TTC16: variants seen among roughly 807,000 people sequenced by gnomAD.
The protein encoded by TTC16 is tetratricopeptide repeat domain 16.
TTC16 carries 66 observed loss-of-function variants against 80.4 expected under a neutral mutation model. The observed-to-expected ratio is 0.82, with a 90% CI of 0.67 to 1.01. The LOEUF (loss-of-function observed/expected upper bound fraction) is 1.01, where lower values mean the gene tolerates loss of function less well. Among genes scored for constraint, TTC16 ranks in the 50% least tolerant of loss-of-function variants. The probability of loss-of-function intolerance (pLI) is 0.00; values close to 1 mark genes in which losing one functional copy is unlikely to be tolerated. For missense variants in TTC16, 1,070 were observed against 1,103.2 expected (o/e 0.97, Z 0.43); for synonymous variants, 438 against 451.3 (o/e 0.97, Z 0.37).
At chr9:127,723,532 G>A (rs1177664105) in intron 7 of TTC16, among the ~76,000 whole-genome samples, 199 bp downstream of exon 7, 1 of 152,214 alleles carries the variant, frequency 6.6e-6, no homozygotes, top group East Asian at 1.9e-4. Flanking sequence ...GCCAACACAT[G>A]TCTCAGTTAC....
chr9:127,730,492 CG>C, intron 13 of TTC16, 143 bp from the exon 14 acceptor site: 1 of 1,266,008 alleles, frequency 7.9e-7, no homozygotes, highest in Non-Finnish European at 1.1e-6. Context: ...GGGGGCTGGG[CG>C]GGGGTGATCT....
chr9:127,716,355 T>A (rs879894828), intron 1 of TTC16, 192 bp downstream of exon 1: 2 of 815,294 alleles, frequency 2.5e-6, no homozygotes, highest in Non-Finnish European at 3.9e-6. Context: ...TGGACAGAGG[T>A]CTCTGGCTTG....
At chr9:127,716,214 A>G (rs1303168996) in intron 1 of TTC16, 51 bp downstream of exon 1, 3 of 1,613,374 alleles carry the variant, frequency 1.9e-6, no homozygotes, top group Middle Eastern at 1.7e-4. Flanking sequence ...AGGCAGAGAG[A>G]CCGAGGCTGG....
In TTC16 at chr9:127,731,547, T is replaced by C; in HGVS notation, c.*142T>C. 1 of 1,431,016 alleles carries C rather than the reference T, an allele frequency of 7.0e-7. No homozygotes were observed. Among genetic ancestry groups the C allele is most frequent in the Non-Finnish European group, 9.2e-7 (1 of 1,092,488 alleles). The allele number at this position is 1,431,016 out of a possible 1,614,324, so 88.6% of individuals were successfully genotyped here. A position where few individuals can be genotyped will look rare whatever the true frequency, so the allele number is the denominator to read the frequency against. On this transcript the variant is annotated 3_prime_UTR_variant, in exon 14 of 14. Coordinates refer to ENST00000373289, the MANE Select transcript of TTC16 (RefSeq NM_144965.3). The stretch of plus-strand genomic sequence containing the variant: ...CCTCTGGTCCCACAGCTGAGTTTAT[T>C]ATACTTGTTTTCTTTTACAAAATTA...
Position 127,718,055 on chromosome 9 carries a change from G to C in TTC16, c.426+283G>C, listed in dbSNP as rs772623851. Among the ~76,000 whole-genome samples the C allele has an allele frequency of 7.2e-5, 11 of 152,270 alleles. No individual in the cohort carries two copies. Among genetic ancestry groups the C allele is most frequent in the Admixed American group, 5.2e-4 (8 of 15,302 alleles). ...TTGAAATGTGGCAAGTGTGACTAAAGAACTGAATTTTATATCTTATTTTTA... is the reference window on the plus strand; with the variant it reads ...TTGAAATGTGGCAAGTGTGACTAAACAACTGAATTTTATATCTTATTTTTA... On this transcript the variant is annotated intron_variant, in intron 4 of 13. Transcript: ENST00000373289. The surrounding 1 kb of genome is among the most constrained non-coding windows in gnomAD (Gnocchi z 4.6).
chr9:127,728,069 A>C (rs921047523), intron 12 of TTC16: 1 of 152,316 alleles, frequency 6.6e-6, no homozygotes, highest in Non-Finnish European at 1.5e-5. Context: ...AAAACCTCTT[A>C]TTGAACGTAA....
intron 6 of TTC16, 102 bp from the exon 7 acceptor site, chr9:127,723,017 C>A: frequency 2.6e-6 from 3 of 1,144,942 alleles, no homozygotes; most frequent in East Asian, 2.4e-5. Flanking sequence ...ATGTGAGGGG[C>A]ACGGAGGAGG....
intron 10 of TTC16, 73 bp downstream of exon 10, chr9:127,726,477 A>G: frequency 7.0e-7 from 1 of 1,434,592 alleles, no homozygotes; most frequent in East Asian, 2.5e-5. Flanking sequence ...CTCGGCCCCC[A>G]AAGAAATCTG....
chr9:127,724,273 C>G lies in TTC16; in HGVS notation c.1026C>G (p.Tyr342Ter). 1 of 1,613,068 alleles carries G rather than the reference C, an allele frequency of 6.2e-7. No individual in the cohort carries two copies. The highest frequency in any genetic ancestry group is 8.5e-7 in the Non-Finnish European group (1 of 1,180,030). ...LTYNDFAVHC[Y>*]RQGAYQEGVL... ...ACAACGACTTTGCCGTGCACTGCTA[C>G]AGGCAGGGCGCCTACCAGGAGGGCG... The change falls in exon 8 of 14, where the codon TAC becomes TAG. Residue 342 changes from tyrosine to a stop codon, truncating the protein, a stop_gained. Transcript: ENST00000373289. LOFTEE classifies it high-confidence loss of function.
chr9:127,717,503 C>A, intron 3 of TTC16, 79 bp downstream of exon 3: 1 of 1,574,092 alleles, frequency 6.4e-7, no homozygotes, highest in South Asian at 1.2e-5. Flanking sequence ...CCAGATCCCT[C>A]CTCTCAGGGC....
At position 127,717,002 on chromosome 9, in the gene TTC16, C is replaced by T; in HGVS notation, c.177C>T (p.Leu59=). ...AGGTCACAGGGTTAACAGTGCCCCT[C>T]AAAGTCAGGGAATAGTGAGTGACTA... ...KPKVTGLTVP[L]KVREYYSRGQ... is the part of the protein sequence containing the mutation. The change falls in exon 2 of 14, where the codon CTC becomes CTT. Residue 59 remains leucine (L), a synonymous_variant. Transcript: ENST00000373289. The T allele has an allele frequency of 6.2e-7, 1 of 1,613,362 alleles. No individual in the cohort carries two copies. The highest frequency in any genetic ancestry group is 8.5e-7 in the Non-Finnish European group (1 of 1,179,360).
chr9:127,731,418 G>T lies in TTC16; in HGVS notation c.*13G>T. 6.3e-7 allele frequency: 1 copy of T among 1,595,314 alleles called. No homozygotes were observed. Among genetic ancestry groups the T allele is most frequent in the African/African-American group, 1.3e-5 (1 of 74,596 alleles). On this transcript the variant is annotated 3_prime_UTR_variant, in exon 14 of 14. Coordinates refer to ENST00000373289, the MANE Select transcript of TTC16 (RefSeq NM_144965.3). Reference sequence around the variant, plus strand: ...TGAAGCTGTCTGAAGGGACCATCCAGACCCTCCCTTCTTGCTGGGGAGGGG... The same window carrying T: ...TGAAGCTGTCTGAAGGGACCATCCATACCCTCCCTTCTTGCTGGGGAGGGG...
intron 2 of TTC16, 147 bp downstream of exon 2, chr9:127,717,163 G>A (rs760888151): frequency 1.1e-5 from 14 of 1,271,744 alleles, no homozygotes; most frequent in South Asian, 1.3e-5. Flanking sequence ...GAACGAGGCT[G>A]ATGGCCTGGC....
chr9:127,724,769 G>T lies in TTC16; in HGVS notation c.1131G>T (p.Gln377His), dbSNP rs767181053. Reference protein sequence around the residue: ...LYINRGDCFFQLGNLAFAEAD... With the variant: ...LYINRGDCFFHLGNLAFAEAD... ...TCCGGACCCTAGATTGCTTCTTCCAGCTGGGCAACCTGGCCTTTGCCGAGG... is the reference window on the plus strand; with the variant it reads ...TCCGGACCCTAGATTGCTTCTTCCATCTGGGCAACCTGGCCTTTGCCGAGG... The change falls in exon 9 of 14, where the codon CAG becomes CAT. Residue 377 changes from glutamine (Q) to histidine (H), a missense_variant. Gln to His is a conservative substitution (Grantham distance 24, BLOSUM62 0). Transcript: ENST00000373289. 11 of 1,610,286 alleles carry T rather than the reference G, an allele frequency of 6.8e-6. No homozygotes were observed. Among genetic ancestry groups the T allele is most frequent in the Non-Finnish European group, 9.3e-6 (11 of 1,179,406 alleles).
intron 12 of TTC16, chr9:127,728,752 C>T (rs1056278965): frequency 6.6e-6 from 1 of 152,232 alleles, no homozygotes; most frequent in African/African-American, 2.4e-5. Flanking sequence ...GAGCCGTAAT[C>T]ATACTACTGC....
chr9:127,716,803 G>C (rs781634912), intron 1 of TTC16, 41 bp from the exon 2 acceptor site: 1 of 1,576,454 alleles, frequency 6.3e-7, no homozygotes, highest in African/African-American at 1.4e-5. Context: ...GGTGGGGGTC[G>C]TCTCGGGGGC....
chr9:127,719,268 G>A (rs1843276681), intron 4 of TTC16, among the ~76,000 whole-genome samples: 2 of 152,014 alleles, frequency 1.3e-5, no homozygotes, highest in South Asian at 4.1e-4. Flanking sequence ...CAGACCATGT[G>A]TGAATCTGTC....
chr9:127,716,199 G>C, intron 1 of TTC16, 36 bp downstream of exon 1: 1 of 1,613,820 alleles, frequency 6.2e-7, no homozygotes, highest in Non-Finnish European at 8.5e-7. Flanking sequence ...CAAAGGCAGA[G>C]GGCCAGGCAG....
chr9:127,728,529 T>G (rs1475038030), intron 12 of TTC16: 1 of 152,264 alleles, frequency 6.6e-6, no homozygotes, highest in Non-Finnish European at 1.5e-5. Flanking sequence ...GCGCGGTGGC[T>G]GACACCTGTA....
Sources: allele counts gnomAD v4.1 joint callset (sites outside exome capture counted in the v4.1 genomes callset), GRCh38; gene constraint gnomAD v4.1.1; non-coding constraint Gnocchi (gnomAD v3.1); transcripts MANE v1.5; gene names NCBI Gene and HGNC (gene_info 2026-07-23, HGNC 2026-07-21).